REDIC1: variants seen among roughly 807,000 people sequenced by gnomAD.
REDIC1 encodes regulator of DNA class I crossover intermediates 1, also known as HEI10 Interacting Protein 1.
the REDIC1 span, among the ~76,000 whole-genome samples, chr12:39,648,506 G>A: frequency 3.0e-4 from 45 of 151,540 alleles, no homozygotes; most frequent in African/African-American, 9.9e-4. Flanking sequence ...TTCAATCATT[G>A]TGTGCTCTAA....
At chr12:39,845,016 G>A in the REDIC1 span, among the ~76,000 whole-genome samples, 1 of 151,644 alleles carries the variant, frequency 6.6e-6, no homozygotes, top group African/African-American at 2.4e-5. Flanking sequence ...ACTTGATAAA[G>A]TTAAAAATAA....
chr12:39,655,889 C>T, the REDIC1 span, among the ~76,000 whole-genome samples: 3 of 152,238 alleles, frequency 2.0e-5, no homozygotes, highest in African/African-American at 7.2e-5. Context: ...TGTTTTTGCA[C>T]ATTTTGTCTG....
At chr12:39,855,125 A>G in the REDIC1 span, among the ~76,000 whole-genome samples, 5 of 152,248 alleles carry the variant, frequency 3.3e-5, no homozygotes, top group Non-Finnish European at 5.9e-5. Flanking sequence ...AATACCATTT[A>G]CATTCACTAT....
the REDIC1 span, among the ~76,000 whole-genome samples, chr12:39,648,135 T>G: frequency 6.6e-6 from 1 of 152,040 alleles, no homozygotes; most frequent in Non-Finnish European, 1.5e-5. Context: ...CATCAAAAAC[T>G]TAATTCTTTG....
At chr12:39,652,634 G>T in the REDIC1 span, among the ~76,000 whole-genome samples, 1 of 151,988 alleles carries the variant, frequency 6.6e-6, no homozygotes, top group Non-Finnish European at 1.5e-5. Flanking sequence ...TGTGCTTATG[G>T]TGTCAAAACC....
chr12:39,787,868 T>C, the REDIC1 span, among the ~76,000 whole-genome samples: 1 of 152,190 alleles, frequency 6.6e-6, no homozygotes, highest in Non-Finnish European at 1.5e-5. Flanking sequence ...TTCTGTTTGC[T>C]AGCCATGAAT....
chr12:39,710,097 A>T, the REDIC1 span, among the ~76,000 whole-genome samples: 1 of 151,800 alleles, frequency 6.6e-6, no homozygotes, highest in South Asian at 2.1e-4. Context: ...TGTGATTTGG[A>T]CCATCTTAGC....
At chr12:39,895,177 G>C in the REDIC1 span, among the ~76,000 whole-genome samples, 1 of 152,104 alleles carries the variant, frequency 6.6e-6, no homozygotes, top group East Asian at 1.9e-4. Context: ...CCAGAACCCT[G>C]AGTAACAAGT....
At chr12:39,713,279 C>CGTGT in the REDIC1 span, among the ~76,000 whole-genome samples, 1 of 19,776 alleles carries the variant, frequency 5.1e-5, no homozygotes, top group African/African-American at 6.9e-5. Flanking sequence ...TGTACACACA[C>CGTGT]ATACGTGTAT....
chr12:39,842,462 A>G, the REDIC1 span, among the ~76,000 whole-genome samples: 3 of 152,076 alleles, frequency 2.0e-5, no homozygotes, highest in African/African-American at 7.2e-5. Context: ...TGATCAGCAT[A>G]GTGACTAACA....
At chr12:39,865,340 C>T in the REDIC1 span, among the ~76,000 whole-genome samples, 1 of 152,094 alleles carries the variant, frequency 6.6e-6, no homozygotes, top group African/African-American at 2.4e-5. Flanking sequence ...ATTGGTAAAC[C>T]TTTTTAGTTT....
At chr12:39,660,582 A>G in the REDIC1 span, among the ~76,000 whole-genome samples, 1 of 152,048 alleles carries the variant, frequency 6.6e-6, no homozygotes, top group Non-Finnish European at 1.5e-5. Context: ...TGTTGCATGC[A>G]TGGAATGTGT....
At chr12:39,771,679 T>C in the REDIC1 span, among the ~76,000 whole-genome samples, 4 of 152,210 alleles carry the variant, frequency 2.6e-5, no homozygotes, top group African/African-American at 9.6e-5. Flanking sequence ...AGTAAATGAA[T>C]ACAGTTTCCT....
chr12:39,855,779 T>G, the REDIC1 span, among the ~76,000 whole-genome samples: 23 of 152,372 alleles, frequency 1.5e-4, no homozygotes, highest in South Asian at 3.5e-3. Flanking sequence ...ATACATTATT[T>G]CATTGTTCTA....
At chr12:39,778,422 T>G in the REDIC1 span, among the ~76,000 whole-genome samples, 1 of 152,118 alleles carries the variant, frequency 6.6e-6, no homozygotes, top group East Asian at 1.9e-4. Flanking sequence ...TGTCTCATAT[T>G]CTAGTTGTCA....
chr12:39,840,480 GTCTCTACTTGCCATT>G, the REDIC1 span, among the ~76,000 whole-genome samples: 1 of 151,936 alleles, frequency 6.6e-6, no homozygotes, highest in African/African-American at 2.4e-5. Context: ...CATCTTGCCT[GTCTCTACTTGCCATT>G]TCTCCATAGG....
the REDIC1 span, among the ~76,000 whole-genome samples, chr12:39,728,607 GT>G: frequency 6.6e-6 from 1 of 151,664 alleles, no homozygotes; most frequent in Non-Finnish European, 1.5e-5. Flanking sequence ...CTGAAATTTT[GT>G]TTTTTTATTG....
the REDIC1 span, chr12:39,626,352 G>T: frequency 6.2e-7 from 1 of 1,614,132 alleles, no homozygotes; most frequent in Non-Finnish European, 8.5e-7. Context: ...TTGGGTCGGG[G>T]GGTCCCGGTA....
chr12:39,776,305 C>T, the REDIC1 span, among the ~76,000 whole-genome samples: 13 of 152,170 alleles, frequency 8.5e-5, no homozygotes, highest in Admixed American at 7.2e-4. Context: ...GTGGGGCCCA[C>T]CTCTGCCGAC....
Sources: gnomAD v4.1 joint callset for allele counts (sites outside exome capture counted in the v4.1 genomes callset) on GRCh38, gnomAD v4.1.1 for gene constraint, MANE v1.5 for transcripts, NCBI Gene and HGNC (gene_info 2026-07-23, HGNC 2026-07-21) for gene names.